Variants in LEPR observed in about 807,000 individuals in gnomAD.
LEPR encodes the protein OB receptor.
A neutral mutation model predicts 114.7 loss-of-function variants in LEPR; 56 were observed. That is an observed-to-expected ratio of 0.49 (90% CI 0.39 to 0.61). The LOEUF is 0.61. Ranked by LOEUF, LEPR falls within the 20% of genes least tolerant of loss-of-function variation. The pLI is 0.00. For missense variants in LEPR, 1,202 were observed against 1,352.9 expected (o/e 0.89, Z 1.75); for synonymous variants, 443 against 461.4 (o/e 0.96, Z 0.51).
At chr1:65,422,889 A>G (rs550775101) in intron 1 of LEPR, among the ~76,000 whole-genome samples, 1 of 152,172 alleles carries the variant, frequency 6.6e-6, no homozygotes, top group South Asian at 2.1e-4. Flanking sequence ...TGATATATAT[A>G]GTTGAAAGAT....
intron 2 of LEPR, among the ~76,000 whole-genome samples, chr1:65,544,243 G>A (rs989019058): frequency 2.6e-5 from 4 of 151,914 alleles, no homozygotes; most frequent in Admixed American, 2.0e-4. Flanking sequence ...TGCTCTGTTT[G>A]CCTATTATTG....
rs151024361 is a variant in LEPR, at chr1:65,503,444, T to C, written c.-20-62102T>C. Among the ~76,000 whole-genome samples the C allele has an allele frequency of 3.7e-3, 567 of 152,232 alleles. 6 individuals carry two copies. The highest frequency in any genetic ancestry group is 0.013 in the African/African-American group (544 of 41,558). ...AAAAAGTTGCTAGCCTGAATAACTTTAGAAATGAGCAGAGATTGTAAGACT... is the reference window on the plus strand; with the variant it reads ...AAAAAGTTGCTAGCCTGAATAACTTCAGAAATGAGCAGAGATTGTAAGACT... On this transcript the variant is annotated intron_variant, in intron 2 of 19. Coordinates refer to ENST00000349533, the MANE Select transcript of LEPR (RefSeq NM_002303.6).
At chr1:65,586,453 A>G (rs1423145913) in intron 5 of LEPR, among the ~76,000 whole-genome samples, 3 of 152,002 alleles carry the variant, frequency 2.0e-5, no homozygotes, top group Non-Finnish European at 4.4e-5. Flanking sequence ...TTTTTCTTAA[A>G]GGGCCAAATA....
At chr1:65,525,591 G>C in intron 2 of LEPR, 3 of 980,176 alleles carry the variant, frequency 3.1e-6, no homozygotes, top group South Asian at 4.7e-5. Context: ...GCGGCCACCC[G>C]ACTCTTCCCT....
chr1:65,455,694 A>T (rs1646861444), intron 2 of LEPR, among the ~76,000 whole-genome samples: 2 of 152,182 alleles, frequency 1.3e-5, no homozygotes, highest in Non-Finnish European at 2.9e-5. Context: ...AAGCTGTCAG[A>T]CAGGGACATT....
At chr1:65,624,662 A>G (rs1658091408) in intron 19 of LEPR, among the ~76,000 whole-genome samples, 1 of 152,224 alleles carries the variant, frequency 6.6e-6, no homozygotes, top group South Asian at 2.1e-4. Flanking sequence ...TCTTGCTTGA[A>G]ATAGAATGTT....
At chr1:65,531,089 A>G (rs950298012) in intron 2 of LEPR, among the ~76,000 whole-genome samples, 1 of 152,198 alleles carries the variant, frequency 6.6e-6, no homozygotes, top group African/African-American at 2.4e-5. Flanking sequence ...TCCTTAGGAT[A>G]ACCTCCAAGG....
intron 2 of LEPR, among the ~76,000 whole-genome samples, chr1:65,550,891 A>T (rs1348919543): frequency 1.3e-5 from 2 of 151,892 alleles, no homozygotes; most frequent in African/African-American, 4.8e-5. Flanking sequence ...GAAATGCAGA[A>T]ATCACCCGTC....
chr1:65,516,247 A>T (rs554622389), intron 2 of LEPR, among the ~76,000 whole-genome samples: 58 of 152,230 alleles, frequency 3.8e-4, no homozygotes, highest in African/African-American at 1.3e-3. Flanking sequence ...ATCCTGGCTA[A>T]CATGGTGAAA....
At chr1:65,546,811 G>A (rs1245939231) in intron 2 of LEPR, among the ~76,000 whole-genome samples, 1 of 152,192 alleles carries the variant, frequency 6.6e-6, no homozygotes, top group Admixed American at 6.5e-5. Context: ...TCCTTCTCCT[G>A]CCTAATTGTC....
rs531470350 is a variant in LEPR at position 65,437,854 on chromosome 1, A to G, written c.-21+12476A>G. Among the ~76,000 whole-genome samples the G allele has an allele frequency of 2.1e-5, 3 of 144,418 alleles. No homozygotes were observed. In the East Asian group the frequency reaches 6.4e-4, roughly 31 times the overall value. 94.7% of individuals were successfully genotyped at this position (144,418 alleles called of 152,430 possible). A position where few individuals can be genotyped will look rare whatever the true frequency, so the allele number is the denominator to read the frequency against. ...ATTTTAGGGTCTCCTTCTGTTGCCC[A>G]GGCTAGAGTGCAGTGGCAAGATATG... On this transcript the variant is annotated intron_variant, in intron 2 of 19. Transcript: ENST00000349533.
chr1:65,632,620 T>A (rs2101040581), intron 19 of LEPR, among the ~76,000 whole-genome samples: 1 of 152,230 alleles, frequency 6.6e-6, no homozygotes. Flanking sequence ...CTTGGCAGCC[T>A]CAATTGCTTT....
intron 2 of LEPR, among the ~76,000 whole-genome samples, chr1:65,519,715 C>G (rs1054044017): frequency 6.6e-6 from 1 of 151,972 alleles, no homozygotes; most frequent in Admixed American, 6.6e-5. Context: ...GTCGCCCAGG[C>G]TAGAAGTACA....
chr1:65,583,440 A>G (rs556613121), intron 5 of LEPR, among the ~76,000 whole-genome samples: 3 of 152,304 alleles, frequency 2.0e-5, no homozygotes, highest in African/African-American at 7.2e-5. Flanking sequence ...TCAAGTTCCC[A>G]CAAACGAGAT....
rs572515965 is a variant in LEPR, at chr1:65,516,517, C to T, written c.-20-49029C>T. Among the ~76,000 whole-genome samples, 3 of 152,300 alleles carry T rather than the reference C, an allele frequency of 2.0e-5. No homozygotes were observed. In the East Asian group the frequency reaches 5.8e-4, roughly 29 times the overall value. The stretch of plus-strand genomic sequence containing the variant: ...TTGCTAAATGTGTTTCCGGCTCAAG[C>T]AGAGATACTGGTTGCCATTTACTCA... On this transcript the variant is annotated intron_variant, in intron 2 of 19. Transcript: ENST00000349533.
intron 2 of LEPR, among the ~76,000 whole-genome samples, chr1:65,454,860 T>G (rs1280931383): frequency 1.3e-5 from 2 of 152,206 alleles, no homozygotes. Context: ...TTCTCCTGGA[T>G]GATATCCTGC....
intron 2 of LEPR, among the ~76,000 whole-genome samples, chr1:65,448,597 T>A (rs1646741462): frequency 6.6e-6 from 1 of 152,210 alleles, no homozygotes; most frequent in Non-Finnish European, 1.5e-5. Flanking sequence ...AGAGTTGGTA[T>A]AATTTCTTCC....
intron 2 of LEPR, among the ~76,000 whole-genome samples, chr1:65,436,830 A>G (rs1402328029): frequency 1.3e-5 from 2 of 152,232 alleles, no homozygotes; most frequent in Non-Finnish European, 2.9e-5. Flanking sequence ...CCCTCAGAAT[A>G]ATTAAATAAT....
intron 3 of LEPR, among the ~76,000 whole-genome samples, chr1:65,565,892 C>T (rs1012679257): frequency 6.6e-6 from 1 of 152,050 alleles, no homozygotes; most frequent in Non-Finnish European, 1.5e-5. Context: ...CACACACACA[C>T]ATACACAGAC....
Sources: allele counts gnomAD v4.1 joint callset (sites outside exome capture counted in the v4.1 genomes callset), GRCh38; gene constraint gnomAD v4.1.1; transcripts MANE v1.5; gene names NCBI Gene and HGNC (gene_info 2026-07-23, HGNC 2026-07-21).